Variants in APBA1 observed in about 807,000 individuals in gnomAD.
The protein encoded by APBA1 is amyloid-beta A4 precursor protein-binding family A member 1.
APBA1 carries 55 observed loss-of-function variants against 86.6 expected under a neutral mutation model. That is an observed-to-expected ratio of 0.64 (90% CI 0.51 to 0.80). The LOEUF (loss-of-function observed/expected upper bound fraction) is 0.80, where lower values mean the gene tolerates loss of function less well. Among genes scored for constraint, APBA1 ranks in the 30% least tolerant of loss-of-function variants. The pLI is 0.00. For synonymous variants in APBA1, 511 were observed against 493.9 expected (o/e 1.03, Z -0.46); for missense variants, 1,090 against 1,183.0 (o/e 0.92, Z 1.15).
intron 1 of APBA1, among the ~76,000 whole-genome samples, chr9:69,670,708 A>G (rs1037932980): frequency 6.6e-6 from 1 of 152,068 alleles, no homozygotes; most frequent in African/African-American, 2.4e-5. Flanking sequence ...CTCTGGATGC[A>G]TTTCTGTGTC....
intron 1 of APBA1, among the ~76,000 whole-genome samples, chr9:69,562,377 T>A (rs1836959345): frequency 6.7e-6 from 1 of 149,198 alleles, no homozygotes; most frequent in South Asian, 2.1e-4. Flanking sequence ...TTTCTTTTCT[T>A]TTCTTTTTTT....
At chr9:69,665,864 T>C (rs747634726) in intron 1 of APBA1, among the ~76,000 whole-genome samples, 3 of 152,038 alleles carry the variant, frequency 2.0e-5, no homozygotes, top group Non-Finnish European at 4.4e-5. Flanking sequence ...GCCTCCCAAA[T>C]AGCTGGGACT....
chr9:69,667,730 T>C (rs1823868818), intron 1 of APBA1, among the ~76,000 whole-genome samples: 1 of 151,926 alleles, frequency 6.6e-6, no homozygotes, highest in South Asian at 2.1e-4. Flanking sequence ...TACTACACCA[T>C]TGTTGTGATA....
intron 2 of APBA1, among the ~76,000 whole-genome samples, chr9:69,482,189 A>G (rs1391798050): frequency 6.6e-6 from 1 of 152,080 alleles, no homozygotes; most frequent in Non-Finnish European, 1.5e-5. Flanking sequence ...CAGGCAACCT[A>G]CAAAAATGGG....
At chr9:69,603,882 AAC>A (rs1223168906) in intron 1 of APBA1, among the ~76,000 whole-genome samples, 1 of 152,206 alleles carries the variant, frequency 6.6e-6, no homozygotes, top group Non-Finnish European at 1.5e-5. Context: ...TGCCCTCTCT[AAC>A]AGAGAACGGC....
intron 2 of APBA1, 63 bp downstream of exon 2, chr9:69,515,948 A>G: frequency 6.8e-7 from 1 of 1,460,528 alleles, no homozygotes; most frequent in Non-Finnish European, 9.2e-7. Flanking sequence ...ACACAAGGCC[A>G]TGGGGCGCCA....
intron 1 of APBA1, among the ~76,000 whole-genome samples, chr9:69,596,110 C>T (rs1346836378): frequency 1.3e-5 from 2 of 152,064 alleles, no homozygotes; most frequent in African/African-American, 4.8e-5. Context: ...ATTTCAGCCT[C>T]CCAAGTAGCT....
intron 10 of APBA1, among the ~76,000 whole-genome samples, chr9:69,444,393 T>C (rs1056250772): frequency 2.6e-5 from 4 of 152,164 alleles, no homozygotes; most frequent in African/African-American, 7.2e-5. Context: ...CTCCTATCAA[T>C]AGGACCAGCA....
At chr9:69,489,978 T>G in intron 2 of APBA1, among the ~76,000 whole-genome samples, 1 of 152,122 alleles carries the variant, frequency 6.6e-6, no homozygotes. Flanking sequence ...TTACTGGGTA[T>G]ATACCCAAAG....
chr9:69,632,561 A>C (rs1248142274), intron 1 of APBA1, among the ~76,000 whole-genome samples: 1 of 152,138 alleles, frequency 6.6e-6, no homozygotes, highest in East Asian at 1.9e-4. Context: ...TAAACGACTT[A>C]ATATAGATGT....
intron 1 of APBA1, among the ~76,000 whole-genome samples, chr9:69,594,526 A>T (rs1350295136): frequency 6.6e-6 from 1 of 152,196 alleles, no homozygotes; most frequent in African/African-American, 2.4e-5. Flanking sequence ...GGAGTGAGGG[A>T]AAGGAAGGAT....
rs531744725 is a variant in APBA1, at chr9:69,528,835, G to A, written c.-69-11556C>T. On this transcript the variant is annotated intron_variant, in intron 1 of 12. Coordinates refer to ENST00000265381, the MANE Select transcript of APBA1 (RefSeq NM_001163.4). Reference sequence around the variant, plus strand: ...ATCAGTTAAGCTATGTTAGTTTTCAGAGGCTCATTAATTCACACTGCCAAA... The same window carrying A: ...ATCAGTTAAGCTATGTTAGTTTTCAAAGGCTCATTAATTCACACTGCCAAA... Among the ~76,000 whole-genome samples the A allele has an allele frequency of 2.0e-5, 3 of 152,116 alleles. No homozygotes were observed. The South Asian group carries it at 6.2e-4, about 32-fold the overall frequency.
intron 1 of APBA1, among the ~76,000 whole-genome samples, chr9:69,591,842 C>T (rs778897080): frequency 1.3e-5 from 2 of 152,172 alleles, no homozygotes; most frequent in African/African-American, 4.8e-5. Context: ...AGGTACAGTG[C>T]ATGTTAATAA....
At chr9:69,584,179 T>C (rs529369755) in intron 1 of APBA1, among the ~76,000 whole-genome samples, 1 of 152,298 alleles carries the variant, frequency 6.6e-6, no homozygotes, top group Middle Eastern at 3.4e-3. Context: ...AAAAATATAA[T>C]GAGATAGATA....
At chr9:69,531,672 A>G (rs1298430228) in intron 1 of APBA1, among the ~76,000 whole-genome samples, 1 of 152,160 alleles carries the variant, frequency 6.6e-6, no homozygotes, top group East Asian at 1.9e-4. Flanking sequence ...AATCAGTAGG[A>G]GAAGTTGCCC....
chr9:69,517,581 TGAATAAAGA>T (rs1836189059), intron 1 of APBA1, among the ~76,000 whole-genome samples: 1 of 152,210 alleles, frequency 6.6e-6, no homozygotes, highest in Non-Finnish European at 1.5e-5. Flanking sequence ...CTGATGCATC[TGAATAAAGA>T]GTACTACTAA....
intron 1 of APBA1, among the ~76,000 whole-genome samples, chr9:69,656,839 CTTT>C (rs55751456): frequency 5.2e-5 from 7 of 134,728 alleles, no homozygotes; most frequent in South Asian, 2.3e-4. Context: ...ACCGGGAGAT[CTTT>C]TTTTTTTTTT....
At chr9:69,540,159 A>AACAAC (rs1182538464) in intron 1 of APBA1, among the ~76,000 whole-genome samples, 5 of 86,546 alleles carry the variant, frequency 5.8e-5, no homozygotes, top group Admixed American at 2.4e-4. Flanking sequence ...ACAACAACAA[A>AACAAC]AGTCACCTTA....
intron 1 of APBA1, among the ~76,000 whole-genome samples, chr9:69,546,814 G>T (rs1258706780): frequency 6.6e-6 from 1 of 152,184 alleles, no homozygotes; most frequent in East Asian, 1.9e-4. Flanking sequence ...GGCTGCTGAA[G>T]CTCTTTGTGC....
Sources: gnomAD v4.1 joint callset for allele counts (sites outside exome capture counted in the v4.1 genomes callset) on GRCh38, gnomAD v4.1.1 for gene constraint, MANE v1.5 for transcripts, NCBI Gene and HGNC (gene_info 2026-07-23, HGNC 2026-07-21) for gene names.